The following SGCZ variants were observed in gnomAD, a reference collection of about 807,000 sequenced individuals.
SGCZ encodes the protein zeta-sarcoglycan.
In SGCZ, 40 loss-of-function variants were observed where a neutral mutation model predicts 41.3. That is an observed-to-expected ratio of 0.97 (90% CI 0.75 to 1.26). The LOEUF (loss-of-function observed/expected upper bound fraction) is 1.26. Among genes scored for constraint, SGCZ ranks in the 50% most tolerant of loss-of-function variants. The pLI is 0.00. For missense variants in SGCZ, 552 were observed against 369.8 expected (o/e 1.49, Z -4.04); for synonymous variants, 206 against 137.5 (o/e 1.50, Z -3.49).
chr8:14,889,712 A>G (rs1162676578), intron 1 of SGCZ, among the ~76,000 whole-genome samples: 4 of 152,134 alleles, frequency 2.6e-5, no homozygotes, highest in African/African-American at 7.2e-5. Flanking sequence ...CTATTAATGT[A>G]GTTATTTTAA....
chr8:14,830,354 T>G (rs2130597862), intron 1 of SGCZ, among the ~76,000 whole-genome samples: 1 of 152,318 alleles, frequency 6.6e-6, no homozygotes, highest in Admixed American at 6.5e-5. Context: ...GTACTCTGTA[T>G]GACATCAATT....
At chr8:14,259,111 A>T (rs1204019082) in intron 3 of SGCZ, among the ~76,000 whole-genome samples, 1 of 152,320 alleles carries the variant, frequency 6.6e-6, no homozygotes, top group South Asian at 2.1e-4. Flanking sequence ...AACCTCTAGT[A>T]TACGGATTTG....
intron 1 of SGCZ, among the ~76,000 whole-genome samples, chr8:15,174,925 G>A (rs1397835344): frequency 6.6e-6 from 1 of 151,144 alleles, no homozygotes. Context: ...AACTGTCATG[G>A]AAAACAGTGT....
At chr8:14,186,003 G>C (rs762855465) in intron 4 of SGCZ, among the ~76,000 whole-genome samples, 46 of 152,142 alleles carry the variant, frequency 3.0e-4, no homozygotes, top group African/African-American at 9.9e-4. Context: ...TTGGATGTTA[G>C]TTTGTCCCAA....
intron 1 of SGCZ, among the ~76,000 whole-genome samples, chr8:15,077,100 T>G (rs1010549840): frequency 6.6e-6 from 1 of 152,220 alleles, no homozygotes; most frequent in African/African-American, 2.4e-5. Context: ...GGAGACTCAC[T>G]GCTGTAATGA....
chr8:14,248,163 T>G (rs1799170327), intron 3 of SGCZ, among the ~76,000 whole-genome samples: 1 of 152,166 alleles, frequency 6.6e-6, no homozygotes, highest in Admixed American at 6.5e-5. Flanking sequence ...AGCTGGTAGA[T>G]TTTTCAAACC....
At chr8:14,498,920 T>C (rs1802069271) in intron 2 of SGCZ, among the ~76,000 whole-genome samples, 1 of 151,896 alleles carries the variant, frequency 6.6e-6, no homozygotes, top group South Asian at 2.1e-4. Flanking sequence ...TTTTTTTTCA[T>C]GAAGAATTCT....
chr8:14,308,230 AC>A (rs1347897422), intron 3 of SGCZ, among the ~76,000 whole-genome samples: 1 of 152,078 alleles, frequency 6.6e-6, no homozygotes, highest in Non-Finnish European at 1.5e-5. Context: ...ATTAATGCAA[AC>A]CAAAGGAAAA....
At position 15,051,069 on chromosome 8, in the gene SGCZ, G is replaced by A. The variant is rs1804496304; in HGVS notation, c.39+186516C>T. Among the ~76,000 whole-genome samples, 3 of 152,248 alleles carry A rather than the reference G, an allele frequency of 2.0e-5. No homozygotes were observed. In the South Asian group the frequency reaches 6.2e-4, roughly 32 times the overall value. On this transcript the variant is annotated intron_variant, in intron 1 of 7. Coordinates refer to ENST00000382080, the MANE Select transcript of SGCZ (RefSeq NM_139167.4). ...TCTTGGTAGTTTAATAGGTTTGATA[G>A]TCATAGAGATGATTTATTCTGAAAT...
Position 14,422,153 on chromosome 8 carries a change from A to T in SGCZ, c.235-97949T>A, listed in dbSNP as rs574809446. 1.3e-3 allele frequency among the ~76,000 whole-genome samples: 200 copies of T among 152,322 alleles called. 1 individual carries two copies. Among genetic ancestry groups the T allele is most frequent in the African/African-American group, 4.7e-3 (197 of 41,576 alleles). ...AAACGAGAAAACACAAATCTATCTA[A>T]AAATCTCTCATGAAAATATAATCCA... On this transcript the variant is annotated intron_variant, in intron 2 of 7. Transcript: ENST00000382080.
At chr8:14,157,194 C>CATA (rs2116966695) in intron 5 of SGCZ, among the ~76,000 whole-genome samples, 1 of 151,466 alleles carries the variant, frequency 6.6e-6, no homozygotes, top group East Asian at 1.9e-4. Context: ...TTATCTCCAT[C>CATA]ATAACCTCCT....
chr8:14,445,364 A>G (rs1481878995), intron 2 of SGCZ, among the ~76,000 whole-genome samples: 4 of 152,134 alleles, frequency 2.6e-5, no homozygotes, highest in Non-Finnish European at 5.9e-5. Flanking sequence ...CCTAACCCAC[A>G]CCTATCCTTT....
intron 1 of SGCZ, among the ~76,000 whole-genome samples, chr8:15,170,427 G>T (rs1799793445): frequency 1.3e-5 from 2 of 152,248 alleles, no homozygotes; most frequent in South Asian, 2.1e-4. Context: ...ATAGAAAAAT[G>T]GATAAATGGA....
At chr8:15,204,734 T>C (rs1489919792) in intron 1 of SGCZ, among the ~76,000 whole-genome samples, 2 of 152,158 alleles carry the variant, frequency 1.3e-5, no homozygotes, top group African/African-American at 4.8e-5. Flanking sequence ...CCACATAATA[T>C]TAATCATCTC....
chr8:14,206,605 C>T (rs1455645136), intron 4 of SGCZ, among the ~76,000 whole-genome samples: 2 of 152,118 alleles, frequency 1.3e-5, no homozygotes, highest in Non-Finnish European at 2.9e-5. Context: ...TATGATGTGA[C>T]TTTTACTAAG....
At chr8:14,359,088 T>A (rs1051085776) in intron 2 of SGCZ, among the ~76,000 whole-genome samples, 7 of 152,086 alleles carry the variant, frequency 4.6e-5, no homozygotes, top group African/African-American at 1.7e-4. Context: ...TGATATCTAT[T>A]GGTAATTATA....
chr8:14,144,888 C>T (rs566788356), intron 5 of SGCZ, among the ~76,000 whole-genome samples: 6 of 152,062 alleles, frequency 3.9e-5, no homozygotes, highest in African/African-American at 1.2e-4. Flanking sequence ...GGGTGAGGCT[C>T]GTTTGTCTTT....
chr8:14,781,567 A>G (rs1800588364), intron 1 of SGCZ, among the ~76,000 whole-genome samples: 1 of 152,084 alleles, frequency 6.6e-6, no homozygotes, highest in Non-Finnish European at 1.5e-5. Flanking sequence ...AAAACTTATT[A>G]CCAATGAATA....
At chr8:14,155,770 A>G (rs59365305) in intron 5 of SGCZ, among the ~76,000 whole-genome samples, 16,280 of 151,828 alleles carry the variant, frequency 0.11, 1,010 homozygotes, top group Middle Eastern at 0.2. Context: ...TGCTTAACAG[A>G]GTGATATTCT....
Sources: gnomAD v4.1 joint callset for allele counts (sites outside exome capture counted in the v4.1 genomes callset) on GRCh38, gnomAD v4.1.1 for gene constraint, MANE v1.5 for transcripts, NCBI Gene and HGNC (gene_info 2026-07-23, HGNC 2026-07-21) for gene names.